Variants in BANP observed in about 807,000 individuals in gnomAD.
BANP encodes the protein BTG3 associated nuclear protein.
In BANP, 11 loss-of-function variants were observed where a neutral mutation model predicts 68.1. That is an observed-to-expected ratio of 0.16 (90% confidence interval 0.10 to 0.27). The LOEUF (loss-of-function observed/expected upper bound fraction) is 0.27, where lower values mean the gene tolerates loss of function less well. BANP is among the 10% of genes least tolerant of loss of function. BANP has a pLI of 1.00. For synonymous variants in BANP, 329 were observed against 303.2 expected, an observed-to-expected ratio of 1.09 and a Z score of -0.88; for missense variants, 504 against 722.7, an observed-to-expected ratio of 0.70 and a Z score of 3.47.
Position 88,004,139 on chromosome 16 carries a change from G to A in BANP, c.363-156G>A, listed in dbSNP as rs1355750259. ...TTTGGGGCTCCTTCCCCCTCAGGAC[G>A]GGTCCCTGGGAGTGGACTATGTTGA... On this transcript the variant is annotated intron_variant, in intron 4 of 13. Transcript: ENST00000682872. The surrounding 1 kb of genome is among the most constrained non-coding windows in gnomAD (Gnocchi z 7.0). Among the ~76,000 whole-genome samples, 2 of 152,152 alleles carry A rather than the reference G, an allele frequency of 1.3e-5. No individual in the cohort carries two copies. The highest frequency in any genetic ancestry group is 2.1e-4 in the South Asian group (1 of 4,826).
Position 88,018,700 on chromosome 16 carries a change from G to A in BANP, c.895+33G>A, listed in dbSNP as rs1015111199. On this transcript the variant is annotated intron_variant, in intron 7 of 13. Coordinates refer to ENST00000682872, the MANE Select transcript of BANP (RefSeq NM_001386991.1). This position sits in a 1 kb window ranked among gnomAD's most constrained non-coding sequence, Gnocchi z 7.7. ...GGGCCCCGCCTTGGGGGACTGGGGT[G>A]TGCGGGGAGCTGGGTCAGGACCCAC... is the stretch of plus-strand genomic sequence containing the variant. 5 of 1,541,992 alleles carry A rather than the reference G, an allele frequency of 3.2e-6. No individual in the cohort carries two copies. Among genetic ancestry groups the A allele is most frequent in the African/African-American group, 2.7e-5 (2 of 73,012 alleles).
At chr16:88,024,961 T>G (rs2076709885) in intron 7 of BANP, among the ~76,000 whole-genome samples, 2 of 152,260 alleles carry the variant, frequency 1.3e-5, no homozygotes, top group South Asian at 4.1e-4. Context: ...TTATCTTCTT[T>G]CCTGTTACTA....
chr16:87,990,877 T>C (rs1382898343), intron 4 of BANP, among the ~76,000 whole-genome samples: 1 of 152,124 alleles, frequency 6.6e-6, no homozygotes, highest in Non-Finnish European at 1.5e-5. Flanking sequence ...ATTCTCCTGC[T>C]TCAGCCTCCC....
chr16:88,051,632 T>TG (rs1263812016), intron 11 of BANP, among the ~76,000 whole-genome samples: 3 of 152,228 alleles, frequency 2.0e-5, no homozygotes, highest in Non-Finnish European at 4.4e-5. Context: ...GTTGTGGGGC[T>TG]GGTCTGTCAC....
intron 11 of BANP, among the ~76,000 whole-genome samples, chr16:88,061,154 G>C (rs2086662780): frequency 1.3e-5 from 2 of 152,302 alleles, no homozygotes; most frequent in South Asian, 4.1e-4. Context: ...TGAAACGCTG[G>C]AGCCAGCCGC....
intron 13 of BANP, 45 bp from the exon 14 acceptor site, chr16:88,076,545 T>C: frequency 1.9e-6 from 3 of 1,565,090 alleles, no homozygotes; most frequent in Non-Finnish European, 2.6e-6. Flanking sequence ...GGCCATGCAG[T>C]GCTGGGTATT....
intron 8 of BANP, among the ~76,000 whole-genome samples, chr16:88,028,911 T>TA (rs1332395944): frequency 6.6e-6 from 1 of 152,254 alleles, no homozygotes; most frequent in Non-Finnish European, 1.5e-5. Context: ...TGCCTGTCTC[T>TA]AGGTAGTAGG....
chr16:87,995,843 C>A (rs891946210), intron 4 of BANP, among the ~76,000 whole-genome samples: 1 of 152,224 alleles, frequency 6.6e-6, no homozygotes, highest in Non-Finnish European at 1.5e-5. Context: ...GGGGAAGCAG[C>A]GCGCCCGGCC....
intron 13 of BANP, among the ~76,000 whole-genome samples, chr16:88,074,704 C>T (rs1354561727): frequency 6.6e-6 from 1 of 151,978 alleles, no homozygotes; most frequent in Non-Finnish European, 1.5e-5. Flanking sequence ...CCTACCCCAA[C>T]CTCCCATGGC....
intron 2 of BANP, 39 bp from the exon 3 acceptor site, chr16:87,980,997 T>G (rs1330810550): frequency 7.0e-7 from 1 of 1,428,760 alleles, no homozygotes; most frequent in Admixed American, 1.7e-5. Flanking sequence ...TGTAAAACTT[T>G]TCATGTTAAA....
At chr16:87,997,504 G>A (rs556786475) in intron 4 of BANP, among the ~76,000 whole-genome samples, 1 of 152,228 alleles carries the variant, frequency 6.6e-6, no homozygotes. Flanking sequence ...AGCCAGGATG[G>A]CTGGGAGTGA....
In BANP at chr16:88,002,862, ACCGTCCTTCTTCAGTT is replaced by A. The variant is rs2069820663; in HGVS notation, c.363-1432_363-1417del. On this transcript the variant is annotated intron_variant, in intron 4 of 13. Transcript: ENST00000682872. The surrounding 1 kb of genome is among the most constrained non-coding windows in gnomAD (Gnocchi z 4.6). The stretch of plus-strand genomic sequence containing the variant: ...AGGGGACTGTTGGCTTCTCAGCAGC[ACCGTCCTTCTTCAGTT>A]GCTCATGGGGGGAGAGAATAAATGC... 6.6e-6 allele frequency among the ~76,000 whole-genome samples: 1 copy of A among 152,218 alleles called. No homozygotes were observed. Among genetic ancestry groups the A allele is most frequent in the Non-Finnish European group, 1.5e-5 (1 of 68,044 alleles).
chr16:88,037,702 T>G, intron 10 of BANP: 1 of 487,792 alleles, frequency 2.1e-6, no homozygotes, highest in Non-Finnish European at 3.7e-6. Flanking sequence ...AAAAATGAAG[T>G]AAAAATGACA....
intron 11 of BANP, among the ~76,000 whole-genome samples, chr16:88,055,186 T>A (rs1013517958): frequency 3.3e-5 from 5 of 152,152 alleles, no homozygotes; most frequent in Non-Finnish European, 7.4e-5. Flanking sequence ...AGCTTATATA[T>A]GTTTATAGGC....
At chr16:88,070,684 GGGCCTGCA>G (rs1448228492) in intron 12 of BANP, among the ~76,000 whole-genome samples, 1 of 152,138 alleles carries the variant, frequency 6.6e-6, no homozygotes, top group Non-Finnish European at 1.5e-5. Context: ...AGCACGTGGG[GGGCCTGCA>G]GGCCTGTAGA....
intron 3 of BANP, chr16:87,982,516 A>G (rs1468467831): frequency 6.6e-6 from 1 of 152,214 alleles, no homozygotes; most frequent in East Asian, 1.9e-4. Context: ...GCTTTTCACG[A>G]CGATGCATGT....
At chr16:87,972,570 C>G (rs1173827344) in intron 1 of BANP, among the ~76,000 whole-genome samples, 1 of 152,068 alleles carries the variant, frequency 6.6e-6, no homozygotes, top group Non-Finnish European at 1.5e-5. Flanking sequence ...TTCTGTTGCT[C>G]ATTTTTATAT....
rs763984675 is a variant in BANP, at chr16:88,004,904, G to T, written c.479+493G>T. Among the ~76,000 whole-genome samples, 1 of 152,182 alleles carries T rather than the reference G, an allele frequency of 6.6e-6. No homozygotes were observed. The highest frequency in any genetic ancestry group is 2.4e-5 in the African/African-American group (1 of 41,438). On this transcript the variant is annotated intron_variant, in intron 5 of 13. Coordinates refer to ENST00000682872, the MANE Select transcript of BANP (RefSeq NM_001386991.1). This position sits in a 1 kb window ranked among gnomAD's most constrained non-coding sequence, Gnocchi z 7.0. ...GGAGTGGACAGAAGACACCGTCCCCGCTCTGTGTGAGGGGAAGGCTGTGCA... is the reference window on the plus strand; with the variant it reads ...GGAGTGGACAGAAGACACCGTCCCCTCTCTGTGTGAGGGGAAGGCTGTGCA...
intron 4 of BANP, among the ~76,000 whole-genome samples, chr16:87,998,302 G>A (rs976728320): frequency 6.6e-6 from 1 of 152,226 alleles, no homozygotes; most frequent in Admixed American, 6.5e-5. Context: ...GGCAGTGAGT[G>A]GTTTTGGTTA....
Sources: allele counts gnomAD v4.1 joint callset (sites outside exome capture counted in the v4.1 genomes callset), GRCh38; gene constraint gnomAD v4.1.1; non-coding constraint Gnocchi (gnomAD v3.1); transcripts MANE v1.5; gene names NCBI Gene and HGNC (gene_info 2026-07-23, HGNC 2026-07-21).